Variants in OR13A1 observed in about 807,000 individuals in gnomAD.
The protein encoded by OR13A1 is olfactory receptor family 13 subfamily A member 1.
Under a neutral mutation model 7.5 loss-of-function variants are expected in OR13A1, and 10 were observed. That is an observed-to-expected ratio of 1.34 (90% CI 0.83 to 2.27). OR13A1 has a LOEUF of 2.27. Among genes scored for constraint, OR13A1 ranks in the 30% most tolerant of loss-of-function variants. The pLI is 0.00. For synonymous variants in OR13A1, 238 were observed against 177.9 expected (o/e 1.34, Z -2.69); for missense variants, 509 against 419.1 (o/e 1.21, Z -1.87).
intron 1 of OR13A1, among the ~76,000 whole-genome samples, chr10:45,308,248 A>G (rs1838376483): frequency 6.6e-6 from 1 of 152,234 alleles, no homozygotes; most frequent in Non-Finnish European, 1.5e-5. Context: ...ACTTTGTCCA[A>G]CCTATTGATT....
Position 45,302,835 on chromosome 10 carries a change from A to G in OR13A1, c.*601T>C, listed in dbSNP as rs4350321. 150,702 of 152,422 alleles carry G rather than the reference A, an allele frequency of 0.99. 74,507 individuals are homozygous for G. The highest frequency in any genetic ancestry group is 1 in the East Asian group (5,183 of 5,184). 9.4% of individuals were successfully genotyped at this position (152,422 alleles called of 1,614,324 possible). A position where few individuals can be genotyped will look rare whatever the true frequency, so the allele number is the denominator to read the frequency against. ...CCAATTAGGTAGGTCAGATACTCAG[A>G]ATCTGAAGTGTTAGTAAGAAGAAAA... On this transcript the variant is annotated 3_prime_UTR_variant, in exon 4 of 4. Coordinates refer to ENST00000553795, the MANE Select transcript of OR13A1 (RefSeq NM_001004297.3).
At position 45,304,021 on chromosome 10, in the gene OR13A1, C is replaced by G. The variant is rs145138806; in HGVS notation, c.402G>C (p.Thr134=). Residue 134 remains threonine, a synonymous_variant, in exon 4 of 4, where the codon ACG becomes ACC. Coordinates refer to ENST00000553795, the MANE Select transcript of OR13A1 (RefSeq NM_001004297.3). The stretch of plus-strand genomic sequence containing the variant: ...CTGCGTACCGGTCATAGGCCATGAC[C>G]GTGAGGAGCAGCAGCTCTGAGGATG... ...WAASSELLLL[T]VMAYDRYAAI... 214 of 1,612,768 alleles carry G rather than the reference C, an allele frequency of 1.3e-4. No homozygotes were observed. The highest frequency in any genetic ancestry group is 2.7e-4 in the Admixed American group (16 of 59,920).
intron 1 of OR13A1, among the ~76,000 whole-genome samples, chr10:45,312,119 C>T (rs1285437727): frequency 6.6e-6 from 1 of 151,988 alleles, no homozygotes; most frequent in African/African-American, 2.4e-5. Flanking sequence ...AAGACAACCT[C>T]AAATAGCCTA....
At chr10:45,313,167 T>C (rs1272898447) in intron 1 of OR13A1, among the ~76,000 whole-genome samples, 2 of 152,066 alleles carry the variant, frequency 1.3e-5, no homozygotes, top group Non-Finnish European at 2.9e-5. Flanking sequence ...GTAGGAGCTT[T>C]GAAGAAATAG....
chr10:45,309,712 T>C (rs1366906763), intron 1 of OR13A1, among the ~76,000 whole-genome samples: 1 of 152,184 alleles, frequency 6.6e-6, no homozygotes, highest in African/African-American at 2.4e-5. Flanking sequence ...ATTCAGGATG[T>C]ACGTAGATGT....
chr10:45,308,423 G>A (rs1280362090), intron 1 of OR13A1, among the ~76,000 whole-genome samples: 1 of 152,128 alleles, frequency 6.6e-6, no homozygotes, highest in African/African-American at 2.4e-5. Flanking sequence ...TCAAAGAAAA[G>A]CCATGAAAAA....
Position 45,304,624 on chromosome 10 carries a change from T to C in OR13A1, c.-12-190A>G, listed in dbSNP as rs1838290939. The C allele has an allele frequency of 5.3e-6, 3 of 565,126 alleles. No individual in the cohort carries two copies. The Admixed American group carries it at 1.0e-4, about 19-fold the overall frequency. 35.0% of individuals were successfully genotyped at this position (565,126 alleles called of 1,614,324 possible). A position where few individuals can be genotyped will look rare whatever the true frequency, so the allele number is the denominator to read the frequency against. On this transcript the variant is annotated intron_variant, in intron 3 of 3. Transcript: ENST00000553795. ...AAATACAGTTGGCCAGTTAAACTCA[T>C]GAAGCATCATTCAACCTCAAACAAA... is the stretch of plus-strand genomic sequence containing the variant.
chr10:45,308,484 A>G (rs1838381232), intron 1 of OR13A1, among the ~76,000 whole-genome samples: 1 of 152,184 alleles, frequency 6.6e-6, no homozygotes. Flanking sequence ...GGGGTGTGGA[A>G]TGTAAACCCT....
At chr10:45,310,760 G>T (rs541742361) in intron 1 of OR13A1, among the ~76,000 whole-genome samples, 1 of 152,042 alleles carries the variant, frequency 6.6e-6, no homozygotes, top group Non-Finnish European at 1.5e-5. Context: ...AAGAAAAAAA[G>T]GATGATTATA....
chr10:45,303,848 A>G lies in OR13A1; in HGVS notation c.575T>C (p.Ile192Thr). ...AGGGACCTCGCAGAAGAAATGGATA[A>G]TGACATTGGGGCCACAGAAATCCAA... ...LRLDFCGPNV[I>T]IHFFCEVPPL... is the part of the protein sequence containing the mutation. Residue 192 changes from isoleucine (I) to threonine (T), a missense_variant, in exon 4 of 4, where the codon ATT becomes ACT. Transcript: ENST00000553795. 6.2e-7 allele frequency: 1 copy of G among 1,612,778 alleles called. No homozygotes were observed. Among genetic ancestry groups the G allele is most frequent in the Non-Finnish European group, 8.5e-7 (1 of 1,180,030 alleles).
chr10:45,306,034 GA>G (rs1387408274), intron 3 of OR13A1, among the ~76,000 whole-genome samples: 1 of 152,210 alleles, frequency 6.6e-6, no homozygotes, highest in African/African-American at 2.4e-5. Context: ...TAATGCTAAA[GA>G]ATAGGCTAGT....
At chr10:45,312,674 A>G (rs1389020258) in intron 1 of OR13A1, among the ~76,000 whole-genome samples, 1 of 152,130 alleles carries the variant, frequency 6.6e-6, no homozygotes, top group Non-Finnish European at 1.5e-5. Flanking sequence ...AAGCAGCAAA[A>G]GAAAGTAACT....
chr10:45,306,160 A>G (rs752016364), intron 3 of OR13A1, among the ~76,000 whole-genome samples: 2 of 152,254 alleles, frequency 1.3e-5, no homozygotes, highest in Non-Finnish European at 2.9e-5. Flanking sequence ...TATTCATTAA[A>G]AGTTAAGGAA....
chr10:45,304,472 C>T (rs1382194715), intron 3 of OR13A1, 38 bp from the exon 4 acceptor site: 8 of 1,550,432 alleles, frequency 5.2e-6, no homozygotes, highest in Non-Finnish European at 7.0e-6. Context: ...AGGAAGGCTG[C>T]TCCCGTGTTT....
At chr10:45,305,939 C>T (rs1217763661) in intron 3 of OR13A1, among the ~76,000 whole-genome samples, 2 of 152,210 alleles carry the variant, frequency 1.3e-5, no homozygotes, top group Non-Finnish European at 2.9e-5. Context: ...AACACATATG[C>T]CCGTTTATCT....
At chr10:45,307,890 T>C (rs1838367242) in intron 1 of OR13A1, 82 bp from the exon 2 acceptor site, 1 of 152,214 alleles carries the variant, frequency 6.6e-6, no homozygotes, top group Non-Finnish European at 1.5e-5. Context: ...TCTCTGAAAT[T>C]AAAAAGGTAA....
intron 3 of OR13A1, among the ~76,000 whole-genome samples, chr10:45,304,873 A>C (rs1469574307): frequency 6.6e-6 from 1 of 152,226 alleles, no homozygotes; most frequent in Non-Finnish European, 1.5e-5. Flanking sequence ...AATTTAAAAC[A>C]ATCTATACCC....
intron 1 of OR13A1, among the ~76,000 whole-genome samples, chr10:45,309,866 T>G (rs1838407907): frequency 6.6e-6 from 1 of 152,244 alleles, no homozygotes; most frequent in South Asian, 2.1e-4. Context: ...GACTTTACTC[T>G]GTTTCTTAAA....
Position 45,303,497 on chromosome 10 carries a change from G to A in OR13A1, c.926C>T (p.Thr309Ile), listed in dbSNP as rs752335107. The A allele has an allele frequency of 6.2e-6, 10 of 1,613,956 alleles. No homozygotes were observed. The highest frequency in any genetic ancestry group is 1.6e-4 in the Middle Eastern group (1 of 6,062). The change falls in exon 4 of 4, where the codon ACT becomes ATT. Residue 309 changes from threonine (T) to isoleucine (I), a missense_variant. Physicochemically the swap from Thr to Ile is moderately conservative, Grantham distance 89. Transcript: ENST00000553795. ...TGCTTTGACCTCCTTGTTTCTCAAA[G>A]TATAGATGAGGGGGTTGAGGGTAGG... Reference protein sequence around the residue: ...LSPTLNPLIYTLRNKEVKAAL... With the variant: ...LSPTLNPLIYILRNKEVKAAL...
Sources: gnomAD v4.1 joint callset for allele counts (sites outside exome capture counted in the v4.1 genomes callset) on GRCh38, gnomAD v4.1.1 for gene constraint, MANE v1.5 for transcripts, NCBI Gene and HGNC (gene_info 2026-07-23, HGNC 2026-07-21) for gene names.